The following LMO7 variants were observed in gnomAD, a reference collection of about 807,000 sequenced individuals.
LMO7 encodes the protein LIM domain 7.
Under a neutral mutation model 206.5 loss-of-function variants are expected in LMO7, and 120 were observed. The observed-to-expected ratio is 0.58, with a 90% CI of 0.50 to 0.68. LMO7 has a LOEUF of 0.68. Among genes scored for constraint, LMO7 ranks in the 30% least tolerant of loss-of-function variants. The pLI, the probability that LMO7 is intolerant of heterozygous loss-of-function variation, is 0.00. For synonymous variants in LMO7, 706 were observed against 681.5 expected (o/e 1.04, Z -0.56); for missense variants, 1,959 against 1,957.9 (o/e 1.00, Z -0.01).
rs773553918 is a variant in LMO7, at chr13:75,808,206, G to A, written c.1916+7G>A. On this transcript the variant is annotated splice_region_variant and intron_variant, in intron 10 of 30. Transcript: ENST00000377534. ...AAAGGCTGATGGTGGAGAGGTCAGA[G>A]TGTGTTTCTGCAAGGATTTTGCTTG... 1.2e-5 allele frequency: 19 copies of A among 1,593,180 alleles called. No individual in the cohort carries two copies. In the South Asian group the frequency reaches 2.1e-4, roughly 18 times the overall value.
chr13:75,665,639 G>A (rs2039011750), intron 1 of LMO7, among the ~76,000 whole-genome samples: 1 of 151,916 alleles, frequency 6.6e-6, no homozygotes, highest in Non-Finnish European at 1.5e-5. Flanking sequence ...CGACTCTCCT[G>A]CCTCAGCCTC....
At chr13:75,749,314 C>A (rs2139387766) in intron 3 of LMO7, among the ~76,000 whole-genome samples, 1 of 152,212 alleles carries the variant, frequency 6.6e-6, no homozygotes, top group Admixed American at 6.5e-5. Context: ...GACATTTTTT[C>A]TTAAAGTAAT....
chr13:75,830,455 G>C (rs887539694), intron 15 of LMO7, among the ~76,000 whole-genome samples: 5 of 152,120 alleles, frequency 3.3e-5, no homozygotes, highest in African/African-American at 1.2e-4. Context: ...TGAAAGAGAA[G>C]GCTTTACCAG....
chr13:75,699,404 ATT>A (rs57799165), intron 1 of LMO7, among the ~76,000 whole-genome samples: 60,451 of 141,510 alleles, frequency 0.43, 12,704 homozygotes, highest in East Asian at 0.6. Flanking sequence ...AAGATAGAAG[ATT>A]TTTTTTTTTT....
At chr13:75,838,965 A>T (rs963544872) in intron 20 of LMO7, among the ~76,000 whole-genome samples, 8 of 152,232 alleles carry the variant, frequency 5.3e-5, no homozygotes, top group African/African-American at 1.4e-4. Context: ...GTTGCCATCT[A>T]AAATGTTACT....
At chr13:75,819,346 T>A (rs1183596478) in intron 12 of LMO7, 47 bp from the exon 13 acceptor site, 5 of 1,538,834 alleles carry the variant, frequency 3.2e-6, no homozygotes, top group Admixed American at 4.3e-5. Flanking sequence ...CTAGAAAGGG[T>A]GTATAGAAAT....
chr13:75,696,849 A>AG (rs981637156), intron 1 of LMO7, among the ~76,000 whole-genome samples: 4 of 152,044 alleles, frequency 2.6e-5, no homozygotes, highest in African/African-American at 9.7e-5. Context: ...GACTGAGCCG[A>AG]GGGGAGGTGT....
chr13:75,830,120 G>A (rs1488328631), intron 15 of LMO7, among the ~76,000 whole-genome samples: 1 of 152,116 alleles, frequency 6.6e-6, no homozygotes. Flanking sequence ...TACTCACTTG[G>A]CATATGTCTT....
intron 8 of LMO7, chr13:75,804,768 G>T: frequency 1.9e-6 from 2 of 1,066,594 alleles, no homozygotes; most frequent in African/African-American, 3.2e-5. Flanking sequence ...TTAGATGCAT[G>T]ACTTCAGTTT....
Position 75,752,159 on chromosome 13 carries a change from T to C in LMO7, c.211-8773T>C, listed in dbSNP as rs548305573. Among the ~76,000 whole-genome samples the C allele has an allele frequency of 6.6e-5, 10 of 151,876 alleles. No homozygotes were observed. The East Asian group carries it at 1.7e-3, about 26-fold the overall frequency. The stretch of plus-strand genomic sequence containing the variant: ...TTTATTATTATTATTTTTGACAGAG[T>C]CTCCCTCTGTCACCCAGGCTGGAGT... On this transcript the variant is annotated intron_variant, in intron 3 of 30. Transcript: ENST00000377534.
At chr13:75,679,251 T>C (rs1415839169) in intron 1 of LMO7, among the ~76,000 whole-genome samples, 1 of 152,242 alleles carries the variant, frequency 6.6e-6, no homozygotes, top group African/African-American at 2.4e-5. Flanking sequence ...TTTACTGTCT[T>C]CTATATCACA....
chr13:75,817,081 A>C (rs2057084504), intron 11 of LMO7, 80 bp from the exon 12 acceptor site: 1 of 979,704 alleles, frequency 1.0e-6, no homozygotes, highest in East Asian at 2.5e-5. Context: ...TGGAATTTCC[A>C]AATTTAACTC....
At position 75,730,115 on chromosome 13, in the gene LMO7, T is replaced by G. The variant is rs1471798667; in HGVS notation, c.210+3017T>G. On this transcript the variant is annotated intron_variant, in intron 3 of 30. Coordinates refer to ENST00000377534, the MANE Select transcript of LMO7 (RefSeq NM_001306080.2). The stretch of plus-strand genomic sequence containing the variant: ...TTTTTTGGTTGTGTCTCTGCCAGGC[T>G]TTGGTATCAGGATGATGCTGGCCTC... Among the ~76,000 whole-genome samples the G allele has an allele frequency of 2.6e-5, 4 of 152,034 alleles. No homozygotes were observed. In the East Asian group the frequency reaches 5.8e-4, roughly 22 times the overall value.
Position 75,647,951 on chromosome 13 carries a change from C to CTTTTTTTTTTT in LMO7, c.69+11233_69+11243dup, listed in dbSNP as rs570513211. Among the ~76,000 whole-genome samples the CTTTTTTTTTTT allele has an allele frequency of 3.6e-3, 328 of 91,124 alleles. 10 individuals carry two copies. Among genetic ancestry groups the CTTTTTTTTTTT allele is most frequent in the Middle Eastern group, 7.1e-3 (1 of 140 alleles). 59.8% of individuals were successfully genotyped at this position (91,124 alleles called of 152,430 possible). The stretch of plus-strand genomic sequence containing the variant: ...GATTTTCTCTTGTTTTCTTTTCTTT[C>CTTTTTTTTTTT]TTTTTTTTTTTTTTTTTTGAGACAG... On this transcript the variant is annotated intron_variant, in intron 1 of 30. Coordinates refer to ENST00000377534, the MANE Select transcript of LMO7 (RefSeq NM_001306080.2).
At chr13:75,664,451 A>C (rs188712101) in intron 1 of LMO7, among the ~76,000 whole-genome samples, 23 of 152,290 alleles carry the variant, frequency 1.5e-4, no homozygotes, top group African/African-American at 5.1e-4. Context: ...GGTTGCTTCC[A>C]AATCTTGGCT....
chr13:75,824,370 T>G (rs1206013020), intron 15 of LMO7, among the ~76,000 whole-genome samples: 1 of 152,200 alleles, frequency 6.6e-6, no homozygotes, highest in African/African-American at 2.4e-5. Context: ...TAATACTATT[T>G]TGTACTTTAG....
At chr13:75,798,986 C>G (rs187294613) in intron 6 of LMO7, among the ~76,000 whole-genome samples, 81 of 152,328 alleles carry the variant, frequency 5.3e-4, no homozygotes, top group Admixed American at 2.2e-3. Flanking sequence ...TTAAAAAAAT[C>G]TTTCTGTATT....
At chr13:75,737,773 A>T (rs55731114) in intron 3 of LMO7, among the ~76,000 whole-genome samples, 2 of 36,514 alleles carry the variant, frequency 5.5e-5, no homozygotes, top group African/African-American at 2.4e-4. Context: ...AAAATAAAAT[A>T]AAATAAAATA....
intron 1 of LMO7, among the ~76,000 whole-genome samples, chr13:75,662,780 G>A (rs1345301705): frequency 6.6e-6 from 1 of 152,152 alleles, no homozygotes; most frequent in African/African-American, 2.4e-5. Flanking sequence ...CAATTACCCT[G>A]TGAAGGTCAG....
Sources: allele counts gnomAD v4.1 joint callset (sites outside exome capture counted in the v4.1 genomes callset), GRCh38; gene constraint gnomAD v4.1.1; transcripts MANE v1.5; gene names NCBI Gene and HGNC (gene_info 2026-07-23, HGNC 2026-07-21).